WWOX: variants seen among roughly 807,000 people sequenced by gnomAD.
The protein encoded by WWOX is WW domain containing oxidoreductase.
In WWOX, 69 loss-of-function variants were observed where a neutral mutation model predicts 46.2. The ratio of observed to expected loss-of-function variants is 1.49; its 90% confidence interval spans 1.23 to 1.82. WWOX has a LOEUF of 1.82. Ranked by LOEUF, WWOX falls within the 40% of genes most tolerant of loss-of-function variation. The pLI is 0.00. For missense variants in WWOX, 919 were observed against 542.6 expected (o/e 1.69, Z -6.89); for synonymous variants, 359 against 202.6 (o/e 1.77, Z -6.56).
At chr16:78,331,891 C>G (rs1175852883) in intron 5 of WWOX, among the ~76,000 whole-genome samples, 1 of 152,122 alleles carries the variant, frequency 6.6e-6, no homozygotes, top group African/African-American at 2.4e-5. Context: ...GACACAGAAA[C>G]TAAGATTTAG....
chr16:78,120,065 A>C (rs76796549), intron 4 of WWOX, among the ~76,000 whole-genome samples: 29,284 of 152,060 alleles, frequency 0.19, 3,036 homozygotes, highest in East Asian at 0.27. Context: ...CAAGCTGGCC[A>C]CACTGGTAAA....
intron 8 of WWOX, among the ~76,000 whole-genome samples, chr16:78,974,914 C>G (rs541162262): frequency 6.6e-6 from 1 of 152,294 alleles, no homozygotes; most frequent in Admixed American, 6.5e-5. Context: ...TCAGGGTCCA[C>G]CGATGCAGCC....
At chr16:78,218,468 G>A (rs2036791771) in intron 5 of WWOX, among the ~76,000 whole-genome samples, 1 of 152,104 alleles carries the variant, frequency 6.6e-6, no homozygotes, top group Non-Finnish European at 1.5e-5. Context: ...GGTGTGTGAG[G>A]ATGCCAGGAG....
At chr16:78,180,755 C>G (rs752917571) in intron 5 of WWOX, among the ~76,000 whole-genome samples, 5 of 151,898 alleles carry the variant, frequency 3.3e-5, no homozygotes, top group African/African-American at 4.8e-5. Context: ...GTAAATCCAG[C>G]TGTACACGAG....
At chr16:78,862,686 C>T (rs373789096) in intron 8 of WWOX, among the ~76,000 whole-genome samples, 2 of 152,160 alleles carry the variant, frequency 1.3e-5, no homozygotes, top group East Asian at 3.9e-4. Context: ...AGTCCAAGGG[C>T]AGGAGAAGCT....
At chr16:78,334,441 A>T (rs939886160) in intron 5 of WWOX, among the ~76,000 whole-genome samples, 1 of 152,236 alleles carries the variant, frequency 6.6e-6, no homozygotes, top group Non-Finnish European at 1.5e-5. Context: ...GCTATGAGTG[A>T]ACCATTAAAG....
intron 8 of WWOX, among the ~76,000 whole-genome samples, chr16:78,972,729 C>G (rs1257334800): frequency 1.3e-5 from 2 of 152,212 alleles, no homozygotes; most frequent in African/African-American, 4.8e-5. Flanking sequence ...ACCCAAGACT[C>G]CCACTTTATT....
intron 5 of WWOX, among the ~76,000 whole-genome samples, chr16:78,178,238 C>T (rs936758181): frequency 6.6e-6 from 1 of 152,194 alleles, no homozygotes; most frequent in South Asian, 2.1e-4. Flanking sequence ...CACTGGTCCC[C>T]CGTCCCAGCA....
chr16:78,501,490 A>ACTGCT (rs772569562), intron 8 of WWOX, among the ~76,000 whole-genome samples: 1 of 151,174 alleles, frequency 6.6e-6, no homozygotes, highest in Non-Finnish European at 1.5e-5. Flanking sequence ...TTCAAACTGT[A>ACTGCT]CTGCTCACTT....
intron 8 of WWOX, among the ~76,000 whole-genome samples, chr16:79,023,659 C>G (rs2047579650): frequency 2.0e-5 from 3 of 152,114 alleles, no homozygotes; most frequent in East Asian, 3.9e-4. Flanking sequence ...GTGGCTTACA[C>G]CTGTAATCCC....
chr16:78,196,556 A>G (rs2036059759), intron 5 of WWOX, among the ~76,000 whole-genome samples: 1 of 152,160 alleles, frequency 6.6e-6, no homozygotes, highest in Non-Finnish European at 1.5e-5. Context: ...TGCAAATACT[A>G]TTTACAGTCG....
At chr16:78,195,802 A>G (rs571221941) in intron 5 of WWOX, among the ~76,000 whole-genome samples, 1 of 145,860 alleles carries the variant, frequency 6.9e-6, no homozygotes, top group African/African-American at 2.6e-5. Flanking sequence ...GGCCTGGGTG[A>G]CAGAGCAAGA....
At chr16:78,997,571 T>C (rs1006425183) in intron 8 of WWOX, among the ~76,000 whole-genome samples, 4 of 152,176 alleles carry the variant, frequency 2.6e-5, no homozygotes, top group African/African-American at 9.7e-5. Context: ...TATACAACAG[T>C]ACCTATAAAA....
At position 78,388,278 on chromosome 16, in the gene WWOX, G is replaced by A. The variant is rs144323471; in HGVS notation, c.605+1330G>A. On this transcript the variant is annotated intron_variant, in intron 6 of 8. Coordinates refer to ENST00000566780, the MANE Select transcript of WWOX (RefSeq NM_016373.4). ...ACTCCTGGCCTCAGGTGATCCACCC[G>A]CCTCAGCCTCTGAAAATGCTGGGAT... Among the ~76,000 whole-genome samples the A allele has an allele frequency of 4.7e-3, 713 of 152,204 alleles. 2 individuals carry two copies. The highest frequency in any genetic ancestry group is 7.6e-3 in the Non-Finnish European group (516 of 67,978).
chr16:78,909,305 G>T (rs1240737050), intron 8 of WWOX, among the ~76,000 whole-genome samples: 3 of 152,206 alleles, frequency 2.0e-5, no homozygotes, highest in Non-Finnish European at 4.4e-5. Flanking sequence ...AGATGCCAAG[G>T]GGGAAAGAAT....
chr16:78,190,542 A>G (rs2035853508), intron 5 of WWOX, among the ~76,000 whole-genome samples: 1 of 152,178 alleles, frequency 6.6e-6, no homozygotes, highest in Non-Finnish European at 1.5e-5. Flanking sequence ...TGATGGCTAC[A>G]GTGCACATCC....
intron 5 of WWOX, among the ~76,000 whole-genome samples, chr16:78,235,756 G>C (rs1330970057): frequency 6.6e-6 from 1 of 152,154 alleles, no homozygotes; most frequent in Non-Finnish European, 1.5e-5. Flanking sequence ...CGCTCATATT[G>C]TCCAGACTAG....
intron 8 of WWOX, among the ~76,000 whole-genome samples, chr16:79,099,305 C>A (rs73575163): frequency 2.0e-5 from 3 of 152,146 alleles, no homozygotes; most frequent in Non-Finnish European, 4.4e-5. Flanking sequence ...AAACCAGATC[C>A]AAACCATAGT....
At chr16:78,369,511 C>T (rs1439275316) in intron 5 of WWOX, among the ~76,000 whole-genome samples, 2 of 152,138 alleles carry the variant, frequency 1.3e-5, no homozygotes, top group African/African-American at 2.4e-5. Context: ...CAACATGCAA[C>T]CAAGGAGGGG....
Sources: allele counts gnomAD v4.1 joint callset (sites outside exome capture counted in the v4.1 genomes callset), GRCh38; gene constraint gnomAD v4.1.1; transcripts MANE v1.5; gene names NCBI Gene and HGNC (gene_info 2026-07-23, HGNC 2026-07-21).